Variants in CDC16 observed in about 807,000 individuals in gnomAD.
The protein encoded by CDC16 is cell division cycle protein 16 homolog.
Under a neutral mutation model 87.0 loss-of-function variants are expected in CDC16, and 34 were observed. That is an observed-to-expected ratio of 0.39 (90% CI 0.30 to 0.52). The LOEUF (loss-of-function observed/expected upper bound fraction) is 0.52. CDC16 is among the 20% of genes least tolerant of loss of function. The pLI is 0.74. For synonymous variants in CDC16, 263 were observed against 260.6 expected (o/e 1.01, Z -0.09); for missense variants, 653 against 751.9 (o/e 0.87, Z 1.54).
At chr13:114,250,764 C>A in intron 12 of CDC16, 90 bp downstream of exon 12, 2 of 1,245,068 alleles carry the variant, frequency 1.6e-6, no homozygotes, top group Non-Finnish European at 2.3e-6. Flanking sequence ...TATTTGGTTG[C>A]TAAACTAAAC....
chr13:114,272,237 A>G lies in CDC16; in HGVS notation c.1657A>G (p.Lys553Glu). 6.2e-7 allele frequency: 1 copy of G among 1,605,794 alleles called. No individual in the cohort carries two copies. The highest frequency in any genetic ancestry group is 8.5e-7 in the Non-Finnish European group (1 of 1,172,930). Residue 553 changes from lysine (K) to glutamate (E), a missense_variant, in exon 18 of 18, where the codon AAG becomes GAG. Transcript: ENST00000356221. ...KCYDFDVHTM[K>E]TLKNIISPPW... is the part of the protein sequence containing the mutation. ...TTATGACTTTGATGTGCATACAATG[A>G]AGACACTAAAAAACATTATTTCACC...
rs1295707299 is a variant in CDC16 at position 114,262,966 on chromosome 13, C to G, written c.1464C>G (p.Ile488Met). Residue 488 changes from isoleucine to methionine, a missense_variant, in exon 16 of 18, where the codon ATC becomes ATG. Physicochemically the swap from Ile to Met is conservative, Grantham distance 10. Transcript: ENST00000356221. The stretch of plus-strand genomic sequence containing the variant: ...CCACCTACTCTGCTATTGGATATAT[C>G]CACAGTCTGATGGGCAACTTTGAAA... ...NASTYSAIGY[I>M]HSLMGNFENA... 1.1e-5 allele frequency: 18 copies of G among 1,613,590 alleles called. No homozygotes were observed. Among genetic ancestry groups the G allele is most frequent in the Non-Finnish European group, 1.4e-5 (17 of 1,179,598 alleles).
intron 17 of CDC16, among the ~76,000 whole-genome samples, chr13:114,268,605 C>T (rs1335020953): frequency 6.6e-6 from 1 of 152,174 alleles, no homozygotes. Flanking sequence ...TGAAGGCTCC[C>T]TGTCTTTAGA....
intron 17 of CDC16, among the ~76,000 whole-genome samples, chr13:114,271,719 G>GATCT (rs1296817729): frequency 1.3e-5 from 2 of 151,942 alleles, no homozygotes; most frequent in African/African-American, 2.4e-5. Flanking sequence ...CTGACCTTGT[G>GATCT]ATCTGCCCGC....
At chr13:114,256,027 A>G (rs2082475432) in intron 12 of CDC16, among the ~76,000 whole-genome samples, 2 of 152,250 alleles carry the variant, frequency 1.3e-5, no homozygotes, top group South Asian at 4.1e-4. Flanking sequence ...TGCTAGGCTA[A>G]TGGCTTTACA....
intron 13 of CDC16, among the ~76,000 whole-genome samples, chr13:114,258,151 C>G (rs774212503): frequency 1.3e-5 from 2 of 152,106 alleles, no homozygotes; most frequent in African/African-American, 2.4e-5. Context: ...AATGGGTTAT[C>G]TAGGTATTTT....
At chr13:114,249,079 C>T (rs899511225) in intron 11 of CDC16, among the ~76,000 whole-genome samples, 1 of 151,774 alleles carries the variant, frequency 6.6e-6, no homozygotes, top group African/African-American at 2.4e-5. Context: ...ATACAACTCA[C>T]TATAATGAAG....
chr13:114,236,732 T>G (rs2081270059), intron 2 of CDC16, 33 bp downstream of exon 2: 2 of 1,613,624 alleles, frequency 1.2e-6, no homozygotes, highest in East Asian at 4.5e-5. Context: ...GTTTTCTGAT[T>G]AATCTTAAAA....
chr13:114,269,321 C>T (rs1175733224), intron 17 of CDC16, among the ~76,000 whole-genome samples: 1 of 152,200 alleles, frequency 6.6e-6, no homozygotes, highest in Non-Finnish European at 1.5e-5. Flanking sequence ...CACAACATCA[C>T]TTCCGTCACG....
At chr13:114,240,681 A>C (rs2081501041) in intron 5 of CDC16, among the ~76,000 whole-genome samples, 1 of 152,106 alleles carries the variant, frequency 6.6e-6, no homozygotes, top group African/African-American at 2.4e-5. Context: ...TTTTGGTAGA[A>C]GTTTATTACT....
intron 1 of CDC16, among the ~76,000 whole-genome samples, chr13:114,236,071 C>G (rs2081234218): frequency 6.6e-6 from 1 of 152,224 alleles, no homozygotes; most frequent in African/African-American, 2.4e-5. Flanking sequence ...GGGTCTAAAG[C>G]TAGCCGTAGG....
intron 17 of CDC16, among the ~76,000 whole-genome samples, chr13:114,266,062 C>CT (rs2063464275): frequency 6.6e-6 from 1 of 152,202 alleles, no homozygotes; most frequent in African/African-American, 2.4e-5. Flanking sequence ...GGTGATCTGC[C>CT]TGCCTCGGCC....
At chr13:114,256,977 A>G (rs1353922256) in intron 12 of CDC16, 101 bp from the exon 13 acceptor site, 3 of 695,892 alleles carry the variant, frequency 4.3e-6, no homozygotes, top group African/African-American at 1.8e-5. Context: ...TGTTTTGGCT[A>G]CCTTTAAATT....
chr13:114,264,595 C>G (rs116093930), intron 16 of CDC16, among the ~76,000 whole-genome samples: 140 of 152,032 alleles, frequency 9.2e-4, no homozygotes, highest in African/African-American at 3.2e-3. Flanking sequence ...GCTCAGAGAA[C>G]TCTGTATGGA....
At chr13:114,247,828 A>G (rs1251840127) in intron 11 of CDC16, among the ~76,000 whole-genome samples, 2 of 152,210 alleles carry the variant, frequency 1.3e-5, no homozygotes, top group South Asian at 4.1e-4. Context: ...GTGAGCTGAT[A>G]TCGCACCATT....
chr13:114,265,686 G>A (rs570259630), intron 17 of CDC16, among the ~76,000 whole-genome samples: 1 of 152,302 alleles, frequency 6.6e-6, no homozygotes, highest in Non-Finnish European at 1.5e-5. Flanking sequence ...AATAGTATAA[G>A]TTTGGATGGA....
At position 114,269,130 on chromosome 13, in the gene CDC16, G is replaced by T. The variant is rs560723954; in HGVS notation, c.1604-3054G>T. On this transcript the variant is annotated intron_variant, in intron 17 of 17. Coordinates refer to ENST00000356221, the MANE Select transcript of CDC16 (RefSeq NM_001078645.3). ...GTCTAGGTTTACTCATGCAGCTGTG[G>T]TCAGCAGATACTTGACTGGGTAGAT... Among the ~76,000 whole-genome samples, 3 of 152,270 alleles carry T rather than the reference G, an allele frequency of 2.0e-5. No individual in the cohort carries two copies. The South Asian group carries it at 6.2e-4, about 32-fold the overall frequency.
At chr13:114,238,888 A>G in intron 3 of CDC16, 102 bp from the exon 4 acceptor site, 1 of 1,418,552 alleles carries the variant, frequency 7.0e-7, no homozygotes, top group East Asian at 2.4e-5. Flanking sequence ...GAGTAAAAGG[A>G]GAAATTATGA....
chr13:114,247,142 TTCTC>T (rs915670823), intron 11 of CDC16, 138 bp downstream of exon 11: 28 of 620,354 alleles, frequency 4.5e-5, no homozygotes, highest in South Asian at 1.6e-4. Context: ...TTTCTTTTCT[TTCTC>T]TCTTTCTTTC....
Sources: allele counts gnomAD v4.1 joint callset (sites outside exome capture counted in the v4.1 genomes callset), GRCh38; gene constraint gnomAD v4.1.1; transcripts MANE v1.5; gene names NCBI Gene and HGNC (gene_info 2026-07-23, HGNC 2026-07-21).